ASB4: variants seen among roughly 807,000 people sequenced by gnomAD.
ASB4 encodes ankyrin repeat and SOCS box containing 4, also known as ankyrin repeat and SOCS box protein 4.
A neutral mutation model predicts 38.6 loss-of-function variants in ASB4; 35 were observed. That is an observed-to-expected ratio of 0.91 (90% confidence interval 0.69 to 1.20). The LOEUF (loss-of-function observed/expected upper bound fraction) is 1.20, where lower values mean the gene tolerates loss of function less well. Ranked by LOEUF, ASB4 falls within the 50% of genes most tolerant of loss-of-function variation. The pLI is 0.00. For missense variants in ASB4, 557 were observed against 527.2 expected (o/e 1.06, Z -0.55); for synonymous variants, 195 against 201.3 (o/e 0.97, Z 0.26).
At chr7:95,504,732 G>A (rs1030949763) in intron 2 of ASB4, among the ~76,000 whole-genome samples, 8 of 152,116 alleles carry the variant, frequency 5.3e-5, no homozygotes, top group Admixed American at 1.3e-4. Context: ...GCAAATAAAA[G>A]GCAATTAAAT....
At chr7:95,509,215 AG>A (rs1197840551) in intron 2 of ASB4, among the ~76,000 whole-genome samples, 4 of 152,206 alleles carry the variant, frequency 2.6e-5, no homozygotes, top group African/African-American at 9.6e-5. Context: ...TAGCTGAAAA[AG>A]CAAAGCCCTA....
intron 2 of ASB4, among the ~76,000 whole-genome samples, chr7:95,512,114 C>T (rs536102901): frequency 6.6e-6 from 1 of 152,224 alleles, no homozygotes; most frequent in Admixed American, 6.5e-5. Context: ...ACTTGATCCT[C>T]CCATGCTGTA....
intron 2 of ASB4, among the ~76,000 whole-genome samples, chr7:95,497,850 A>G (rs1377895339): frequency 6.6e-6 from 1 of 152,222 alleles, no homozygotes; most frequent in Non-Finnish European, 1.5e-5. Flanking sequence ...ATATGGTTGC[A>G]TGGACCAATA....
rs1562824241 is a variant in ASB4 at position 95,538,417 on chromosome 7, G to T, written c.*658G>T. On this transcript the variant is annotated 3_prime_UTR_variant, in exon 5 of 5. Transcript: ENST00000325885. ...AGCCAGAGACTGGAGATGCAAAGAT[G>T]AGTCCCATGTGACTCCTGCCTTCCA... The T allele has an allele frequency of 6.6e-6, 1 of 152,262 alleles. No individual in the cohort carries two copies. The highest frequency in any genetic ancestry group is 1.5e-5 in the Non-Finnish European group (1 of 68,088). The allele number at this position is 152,262 out of a possible 1,614,324, so 9.4% of individuals were successfully genotyped here.
chr7:95,516,080 G>A (rs990195995), intron 2 of ASB4, among the ~76,000 whole-genome samples: 2 of 152,140 alleles, frequency 1.3e-5, no homozygotes, highest in African/African-American at 4.8e-5. Flanking sequence ...TTGTCCCTGA[G>A]TGGAGGAAGA....
chr7:95,500,568 C>CAAAA lies in ASB4; in HGVS notation c.487+4536_487+4539dup, dbSNP rs771099175. Among the ~76,000 whole-genome samples the CAAAA allele has an allele frequency of 1.6e-3, 65 of 41,014 alleles. 7 individuals are homozygous for CAAAA. Among genetic ancestry groups the CAAAA allele is most frequent in the African/African-American group, 5.3e-3 (56 of 10,468 alleles). 26.9% of individuals were successfully genotyped at this position (41,014 alleles called of 152,430 possible). ...CTGTGTGACAGAGCAAGATCTGTCTCAAAAAAAAAAAAAAAAAAAAAAAAA... is the reference window on the plus strand; with the variant it reads ...CTGTGTGACAGAGCAAGATCTGTCTCAAAAAAAAAAAAAAAAAAAAAAAAAAAAA... On this transcript the variant is annotated intron_variant, in intron 2 of 4. Transcript: ENST00000325885.
the ASB4 span, chr7:95,471,826 ATG>A: frequency 1.6e-5 from 2 of 124,600 alleles, no homozygotes; most frequent in African/African-American, 5.5e-5. Context: ...TAAGTATTTT[ATG>A]TGTGCTAACA....
At chr7:95,474,713 A>G (rs1789959543), upstream of ASB4, among the ~76,000 whole-genome samples, 1 of 151,968 alleles carries the variant, frequency 6.6e-6, no homozygotes, top group South Asian at 2.1e-4. Flanking sequence ...TTTTTTAGAG[A>G]TGGGTGTCAC....
At chr7:95,517,523 G>A (rs1342432315) in intron 2 of ASB4, among the ~76,000 whole-genome samples, 1 of 151,828 alleles carries the variant, frequency 6.6e-6, no homozygotes, top group African/African-American at 2.4e-5. Flanking sequence ...TTTAGGGAGT[G>A]AGAAGAAAGG....
chr7:95,542,988 A>G (rs1790990624), downstream of ASB4: 1 of 152,246 alleles, frequency 6.6e-6, no homozygotes, highest in African/African-American at 2.4e-5. Context: ...TGTGTAAGGC[A>G]GCCTCAGATG....
At chr7:95,536,186 A>G (rs1301242932) in intron 3 of ASB4, among the ~76,000 whole-genome samples, 1 of 152,112 alleles carries the variant, frequency 6.6e-6, no homozygotes, top group Non-Finnish European at 1.5e-5. Context: ...AAATCGTTTT[A>G]GCATTCCAGG....
chr7:95,537,385 C>G (rs1790902475), intron 4 of ASB4, among the ~76,000 whole-genome samples, 186 bp from the exon 5 acceptor site: 1 of 152,152 alleles, frequency 6.6e-6, no homozygotes. Flanking sequence ...GTTATTTCCC[C>G]TCCCCTTTCC....
chr7:95,513,061 G>C (rs929549627), intron 2 of ASB4, among the ~76,000 whole-genome samples: 1 of 152,050 alleles, frequency 6.6e-6, no homozygotes, highest in African/African-American at 2.4e-5. Flanking sequence ...GCTATAGAAG[G>C]AAGGTCAGAG....
At position 95,486,110 on chromosome 7, in the gene ASB4, G is replaced by A; in HGVS notation, c.139G>A (p.Val47Ile). ...LIQRQIDVDT[V>I]FEVEDENMVL... ...CCAAAGGCAAATAGATGTGGACACT[G>A]TTTTTGAAGTCGAAGATGAGAATAT... The change falls in exon 1 of 5, where the codon GTT (valine) becomes ATT (isoleucine). Residue 47 changes from valine to isoleucine, a missense_variant. Val to Ile is a conservative substitution (Grantham distance 29). Coordinates refer to ENST00000325885, the MANE Select transcript of ASB4 (RefSeq NM_016116.3). 5 of 1,614,086 alleles carry A rather than the reference G, an allele frequency of 3.1e-6. No homozygotes were observed. Among genetic ancestry groups the A allele is most frequent in the Non-Finnish European group, 4.2e-6 (5 of 1,179,992 alleles).
intron 3 of ASB4, among the ~76,000 whole-genome samples, chr7:95,535,878 T>C (rs1790882881): frequency 1.3e-5 from 2 of 152,196 alleles, no homozygotes; most frequent in South Asian, 4.1e-4. Flanking sequence ...GTAGTTTACT[T>C]TACCTCGTGG....
At chr7:95,545,684 G>A in the ASB4 span, among the ~76,000 whole-genome samples, 1 of 152,124 alleles carries the variant, frequency 6.6e-6, no homozygotes, top group Admixed American at 6.6e-5. Flanking sequence ...TAGAGTAAAT[G>A]TTGATATATT....
Position 95,537,864 on chromosome 7 carries a change from G to A in ASB4, c.*105G>A. The stretch of plus-strand genomic sequence containing the variant: ...TACTTGGGTTGATTATAACACTTCA[G>A]GGATTTCAAAACACTTTACAAACAC... On this transcript the variant is annotated 3_prime_UTR_variant, in exon 5 of 5. Transcript: ENST00000325885. The A allele has an allele frequency of 1.1e-6, 1 of 912,900 alleles. No homozygotes were observed. Among genetic ancestry groups the A allele is most frequent in the Non-Finnish European group, 1.7e-6 (1 of 603,398 alleles). The allele number at this position is 912,900 out of a possible 1,614,324, so 56.5% of individuals were successfully genotyped here.
At chr7:95,517,103 A>G (rs910239496) in intron 2 of ASB4, among the ~76,000 whole-genome samples, 1 of 152,174 alleles carries the variant, frequency 6.6e-6, no homozygotes, top group African/African-American at 2.4e-5. Flanking sequence ...ATGTCTGTTT[A>G]TATACTTTAT....
intron 2 of ASB4, among the ~76,000 whole-genome samples, chr7:95,510,138 G>A (rs1790460301): frequency 6.6e-6 from 1 of 151,734 alleles, no homozygotes; most frequent in Admixed American, 6.6e-5. Context: ...AAAAAAAAAT[G>A]AGAAGGCAGC....
Sources: allele counts gnomAD v4.1 joint callset (sites outside exome capture counted in the v4.1 genomes callset), GRCh38; gene constraint gnomAD v4.1.1; transcripts MANE v1.5; gene names NCBI Gene and HGNC (gene_info 2026-07-23, HGNC 2026-07-21).